MAPK14: variants seen among roughly 807,000 people sequenced by gnomAD.
MAPK14 encodes the protein CSAID-binding protein.
In MAPK14, 16 loss-of-function variants were observed where a neutral mutation model predicts 49.6. That is an observed-to-expected ratio of 0.32 (90% CI 0.22 to 0.49). The LOEUF (loss-of-function observed/expected upper bound fraction) is 0.49. MAPK14 is among the 20% of genes least tolerant of loss of function. MAPK14 has a pLI of 0.99. For missense variants in MAPK14, 200 were observed against 441.2 expected, an observed-to-expected ratio of 0.45 and a Z score of 4.90; for synonymous variants, 142 against 158.0, an observed-to-expected ratio of 0.90 and a Z score of 0.76.
At chr6:36,038,447 A>T (rs1762833859) in intron 1 of MAPK14, among the ~76,000 whole-genome samples, 2 of 152,224 alleles carry the variant, frequency 1.3e-5, no homozygotes. Flanking sequence ...GCCTTTGTAC[A>T]GACTGTGACT....
At position 36,034,684 on chromosome 6, in the gene MAPK14, C is replaced by T. The variant is rs115323935; in HGVS notation, c.116+6411C>T. On this transcript the variant is annotated intron_variant, in intron 1 of 11. Coordinates refer to ENST00000229794, the MANE Select transcript of MAPK14 (RefSeq NM_139012.3). ...TTTTGTAAAAGAAACTTTCAGTATTCAGAGTAGTTTGTCTTTCACAGTGCT... is the reference window on the plus strand; with the variant it reads ...TTTTGTAAAAGAAACTTTCAGTATTTAGAGTAGTTTGTCTTTCACAGTGCT... Among the ~76,000 whole-genome samples the T allele has an allele frequency of 3.9e-3, 598 of 152,198 alleles. 4 individuals are homozygous for T. Among genetic ancestry groups the T allele is most frequent in the African/African-American group, 0.014 (563 of 41,508 alleles).
intron 2 of MAPK14, among the ~76,000 whole-genome samples, chr6:36,057,765 C>T (rs531378426): frequency 1.4e-4 from 22 of 152,098 alleles, no homozygotes; most frequent in African/African-American, 5.3e-4. Flanking sequence ...GAGTAACATC[C>T]TAATTAGAAG....
chr6:36,075,947 C>T lies in MAPK14; in HGVS notation c.595C>T (p.His199Tyr). ...RAPEIMLNWM[H>Y]YNQTVDIWSV... ...TCCTGAGATCATGCTGAACTGGATG[C>T]ATTACAACCAGACAGGTATTACTCG... Residue 199 changes from histidine to tyrosine, a missense_variant, in exon 7 of 12, where the codon CAT becomes TAT. Around this residue, in one of 2 missense-constraint regions of MAPK14, gnomAD observed 170 missense variants for 407.0 expected, o/e 0.42. Coordinates refer to ENST00000229794, the MANE Select transcript of MAPK14 (RefSeq NM_139012.3). The T allele has an allele frequency of 6.2e-7, 1 of 1,614,038 alleles. No homozygotes were observed. The highest frequency in any genetic ancestry group is 8.5e-7 in the Non-Finnish European group (1 of 1,179,998).
At chr6:36,062,483 C>G (rs936857380) in intron 3 of MAPK14, among the ~76,000 whole-genome samples, 1 of 152,058 alleles carries the variant, frequency 6.6e-6, no homozygotes, top group African/African-American at 2.4e-5. Context: ...TGAAACAAAA[C>G]AAGTAAACAA....
intron 2 of MAPK14, among the ~76,000 whole-genome samples, chr6:36,054,121 C>G (rs1763503527): frequency 6.6e-6 from 1 of 152,120 alleles, no homozygotes; most frequent in African/African-American, 2.4e-5. Flanking sequence ...TGCATAAAAT[C>G]AAAGTGGCCT....
intron 1 of MAPK14, among the ~76,000 whole-genome samples, chr6:36,038,097 C>A (rs1762820856): frequency 6.6e-6 from 1 of 151,948 alleles, no homozygotes. Context: ...CAGATAAGTG[C>A]TGTGGAGAAA....
chr6:36,079,876 G>A (rs968647478), intron 8 of MAPK14, among the ~76,000 whole-genome samples: 1 of 152,102 alleles, frequency 6.6e-6, no homozygotes, highest in Non-Finnish European at 1.5e-5. Context: ...AAGAAATGTA[G>A]CTAGTTTAAC....
chr6:36,051,029 A>G (rs1763373986), intron 1 of MAPK14, among the ~76,000 whole-genome samples: 1 of 152,094 alleles, frequency 6.6e-6, no homozygotes, highest in Non-Finnish European at 1.5e-5. Context: ...ATAACAGATG[A>G]CCAGAAAGTC....
At chr6:36,032,161 A>G (rs928251179) in intron 1 of MAPK14, among the ~76,000 whole-genome samples, 3 of 152,128 alleles carry the variant, frequency 2.0e-5, no homozygotes, top group African/African-American at 7.2e-5. Flanking sequence ...AATATTTGTC[A>G]GTTTCCGAAT....
chr6:36,052,749 C>G lies in MAPK14; in HGVS notation c.167C>G (p.Ser56Cys), dbSNP rs201290273. ...TTACGTGTGGCAGTGAAGAAGCTCTCCAGACCATTTCAGTCCATCATTCAT... is the reference window on the plus strand; with the variant it reads ...TTACGTGTGGCAGTGAAGAAGCTCTGCAGACCATTTCAGTCCATCATTCAT... The part of the protein sequence containing the change: ...TGLRVAVKKL[S>C]RPFQSIIHAK... Residue 56 changes from serine (S) to cysteine (C), a missense_variant, in exon 2 of 12, where the codon TCC (serine) becomes TGC (cysteine). Ser to Cys is a moderately radical substitution (Grantham distance 112, BLOSUM62 -1). Around this residue, in one of 2 missense-constraint regions of MAPK14, gnomAD observed 170 missense variants for 407.0 expected, o/e 0.42. Coordinates refer to ENST00000229794, the MANE Select transcript of MAPK14 (RefSeq NM_139012.3). The G allele has an allele frequency of 6.2e-7, 1 of 1,612,578 alleles. No homozygotes were observed. Among genetic ancestry groups the G allele is most frequent in the Non-Finnish European group, 8.5e-7 (1 of 1,179,292 alleles).
At position 36,107,611 on chromosome 6, in the gene MAPK14, TTA is replaced by T; in HGVS notation, c.1001_1002del (p.Ile334ArgfsTer2). ...CAGTCCTTTGAAAGCAGGGACCTCC[TTA>T]TAGATGAGTGGAAAAGTAAGTCCTA... On this transcript the variant is annotated frameshift_variant, in exon 11 of 12. Transcript: ENST00000229794. LOFTEE classifies it high-confidence loss of function. This position sits in a 1 kb window ranked among gnomAD's most constrained non-coding sequence, Gnocchi z 4.3. 1 of 1,577,516 alleles carries T rather than the reference TTA, an allele frequency of 6.3e-7. No individual in the cohort carries two copies. Among genetic ancestry groups the T allele is most frequent in the Non-Finnish European group, 8.6e-7 (1 of 1,164,766 alleles).
chr6:36,048,992 T>C (rs1162476487), intron 1 of MAPK14, among the ~76,000 whole-genome samples: 1 of 152,180 alleles, frequency 6.6e-6, no homozygotes, highest in African/African-American at 2.4e-5. Context: ...AAGCAGCACA[T>C]GCAGTGGAGA....
In MAPK14 at chr6:36,107,763, G is replaced by C; in HGVS notation, c.1015+135G>C. 1 of 550,838 alleles carries C rather than the reference G, an allele frequency of 1.8e-6. No individual in the cohort carries two copies. Among genetic ancestry groups the C allele is most frequent in the Non-Finnish European group, 3.0e-6 (1 of 333,458 alleles). 34.1% of individuals were successfully genotyped at this position (550,838 alleles called of 1,614,324 possible). ...TAATGCAGAATGAATATGTTCTCTG[G>C]TGGAAACTGTTGTAGACAGTGATAC... On this transcript the variant is annotated intron_variant, in intron 11 of 11. Coordinates refer to ENST00000229794, the MANE Select transcript of MAPK14 (RefSeq NM_139012.3). The surrounding 1 kb of genome is among the most constrained non-coding windows in gnomAD (Gnocchi z 4.3).
intron 1 of MAPK14, among the ~76,000 whole-genome samples, chr6:36,045,077 G>A (rs1404759430): frequency 6.6e-6 from 1 of 151,734 alleles, no homozygotes; most frequent in East Asian, 1.9e-4. Context: ...AGGCTGCAGT[G>A]AGCCATGATT....
chr6:36,116,757 TC>T, the MAPK14 span, among the ~76,000 whole-genome samples: 2 of 152,160 alleles, frequency 1.3e-5, no homozygotes, highest in African/African-American at 2.4e-5. Flanking sequence ...CCTATGGTCT[TC>T]CTTCCTTCCT....
Position 36,030,465 on chromosome 6 carries a change from A to G in MAPK14, c.116+2192A>G, listed in dbSNP as rs572327791. On this transcript the variant is annotated intron_variant, in intron 1 of 11. Coordinates refer to ENST00000229794, the MANE Select transcript of MAPK14 (RefSeq NM_139012.3). ...CACTTTGGGAGGCCGAGGCGGGTGG[A>G]TCACAGCGTCAGGAGATCGAGACCA... 1.8e-4 allele frequency among the ~76,000 whole-genome samples: 27 copies of G among 152,256 alleles called. 1 individual carries two copies. The highest frequency in any genetic ancestry group is 1.4e-3 in the Admixed American group (21 of 15,294).
At chr6:36,100,792 G>A (rs1765609529) in intron 9 of MAPK14, among the ~76,000 whole-genome samples, 1 of 152,084 alleles carries the variant, frequency 6.6e-6, no homozygotes, top group Admixed American at 6.5e-5. Context: ...TAACTACTTA[G>A]TCTAACTCTT....
chr6:36,062,606 G>T (rs533825558), intron 3 of MAPK14, among the ~76,000 whole-genome samples: 3 of 150,762 alleles, frequency 2.0e-5, no homozygotes, highest in Non-Finnish European at 4.4e-5. Flanking sequence ...ATGCTAATTA[G>T]CAAAATCTCT....
At chr6:36,080,544 A>G (rs916547465) in intron 8 of MAPK14, among the ~76,000 whole-genome samples, 3 of 152,200 alleles carry the variant, frequency 2.0e-5, no homozygotes, top group Non-Finnish European at 4.4e-5. Flanking sequence ...TCAGAATACT[A>G]TTCCATTGTA....
Sources: allele counts gnomAD v4.1 joint callset (sites outside exome capture counted in the v4.1 genomes callset), GRCh38; gene constraint gnomAD v4.1.1; regional missense constraint gnomAD v4.1.1; non-coding constraint Gnocchi (gnomAD v3.1); transcripts MANE v1.5; gene names NCBI Gene and HGNC (gene_info 2026-07-23, HGNC 2026-07-21).